Variants in HECW1 observed in about 807,000 individuals in gnomAD.
HECW1 encodes HECT, C2 and WW domain containing E3 ubiquitin protein ligase 1.
A neutral mutation model predicts 182.3 loss-of-function variants in HECW1; 61 were observed. The ratio of observed to expected loss-of-function variants is 0.33; its 90% CI spans 0.27 to 0.41. The LOEUF (loss-of-function observed/expected upper bound fraction) is 0.41. Among genes scored for constraint, HECW1 ranks in the 10% least tolerant of loss-of-function variants. The pLI, the probability that HECW1 is intolerant of heterozygous loss-of-function variation, is 1.00. For synonymous variants in HECW1, 859 were observed against 832.6 expected, an observed-to-expected ratio of 1.03 and a Z score of -0.55; for missense variants, 1,739 against 2,108.9, an observed-to-expected ratio of 0.82 and a Z score of 3.44.
chr7:43,184,114 C>A (rs751460861), intron 2 of HECW1, among the ~76,000 whole-genome samples: 1 of 152,056 alleles, frequency 6.6e-6, no homozygotes, highest in African/African-American at 2.4e-5. Flanking sequence ...CCTGAGTTCA[C>A]GCCATTCTCC....
At chr7:43,314,893 T>C (rs1808994458) in intron 4 of HECW1, among the ~76,000 whole-genome samples, 1 of 152,228 alleles carries the variant, frequency 6.6e-6, no homozygotes, top group African/African-American at 2.4e-5. Flanking sequence ...TCATCTCATC[T>C]GTCATTTCAT....
intron 1 of HECW1, 45 bp downstream of exon 1, chr7:43,112,982 C>T (rs1327773104): frequency 9.9e-6 from 2 of 202,406 alleles, no homozygotes; most frequent in Admixed American, 6.0e-5. Flanking sequence ...CCCCTTCCCC[C>T]CCGCCCTTCT....
chr7:43,361,808 A>ACTCT (rs1195454336), intron 6 of HECW1, among the ~76,000 whole-genome samples: 1 of 134,592 alleles, frequency 7.4e-6, no homozygotes, highest in African/African-American at 2.9e-5. Flanking sequence ...AATAAAAAAG[A>ACTCT]CTCTCTCTTT....
chr7:43,213,295 T>C (rs777205138), intron 2 of HECW1, among the ~76,000 whole-genome samples: 2 of 152,134 alleles, frequency 1.3e-5, no homozygotes, highest in African/African-American at 2.4e-5. Flanking sequence ...TAAAGATGAT[T>C]TCATGATAAG....
chr7:43,222,359 A>C (rs1797057770), intron 2 of HECW1, among the ~76,000 whole-genome samples: 1 of 152,198 alleles, frequency 6.6e-6, no homozygotes, highest in African/African-American at 2.4e-5. Flanking sequence ...ACATCTTTCA[A>C]AGATTATGCA....
intron 6 of HECW1, among the ~76,000 whole-genome samples, chr7:43,366,617 T>C (rs1816684216): frequency 6.6e-6 from 1 of 152,202 alleles, no homozygotes; most frequent in Admixed American, 6.5e-5. Flanking sequence ...CTCAACTTTA[T>C]AATAAATGGT....
At chr7:43,336,174 C>CTCTCTT (rs1812249482) in intron 5 of HECW1, among the ~76,000 whole-genome samples, 1 of 130,292 alleles carries the variant, frequency 7.7e-6, no homozygotes, top group African/African-American at 3.0e-5. Context: ...CTCTCTCTCT[C>CTCTCTT]TCTCTCTCTC....
chr7:43,463,286 C>T (rs1425429362), intron 13 of HECW1, among the ~76,000 whole-genome samples: 1 of 152,166 alleles, frequency 6.6e-6, no homozygotes, highest in Non-Finnish European at 1.5e-5. Flanking sequence ...ACACTTATTA[C>T]AATAATGTTG....
intron 2 of HECW1, among the ~76,000 whole-genome samples, chr7:43,158,002 T>A (rs567829992): frequency 1.4e-4 from 22 of 152,364 alleles, no homozygotes; most frequent in Non-Finnish European, 5.9e-5. Flanking sequence ...AACTCATGTA[T>A]CTTAGCTTTA....
chr7:43,448,293 T>C (rs2077126812), intron 11 of HECW1, among the ~76,000 whole-genome samples: 1 of 152,248 alleles, frequency 6.6e-6, no homozygotes, highest in Admixed American at 6.5e-5. Flanking sequence ...TTCATACTTT[T>C]TGCTTTATTT....
intron 2 of HECW1, among the ~76,000 whole-genome samples, chr7:43,164,448 G>C (rs1192019532): frequency 6.6e-6 from 1 of 152,204 alleles, no homozygotes; most frequent in Non-Finnish European, 1.5e-5. Context: ...GGGAAATCAA[G>C]AAGGCACCAG....
chr7:43,277,795 G>T (rs746146578), intron 3 of HECW1, among the ~76,000 whole-genome samples: 40 of 152,078 alleles, frequency 2.6e-4, no homozygotes, highest in Non-Finnish European at 8.8e-5. Flanking sequence ...AACCACCAAG[G>T]ATCTCCACTT....
Position 43,535,198 on chromosome 7 carries a change from C to T in HECW1, c.4020-5965C>T, listed in dbSNP as rs4570049. On this transcript the variant is annotated intron_variant, in intron 24 of 29. Transcript: ENST00000395891. ...AGAGTCAAGTCAACAAACAGCAATG[C>T]GCTGAAGGGGAGGGTTGAGTCTTTT... 9.8e-3 allele frequency among the ~76,000 whole-genome samples: 1,489 copies of T among 152,264 alleles called. 68 individuals are homozygous for T. The highest frequency in any genetic ancestry group is 0.07 in the Admixed American group (1,074 of 15,288).
rs116906991 is a variant in HECW1 at position 43,233,189 on chromosome 7, T to C, written c.-31-10686T>C. On this transcript the variant is annotated intron_variant, in intron 2 of 29. Transcript: ENST00000395891. Reference sequence around the variant, plus strand: ...TTAATGTTTTCATATATATTCAATGTAGAAACAACAGTTACTAAAAAAAAT... The same window carrying C: ...TTAATGTTTTCATATATATTCAATGCAGAAACAACAGTTACTAAAAAAAAT... Among the ~76,000 whole-genome samples the C allele has an allele frequency of 9.9e-3, 1,509 of 152,316 alleles. 22 individuals are homozygous for C. The highest frequency in any genetic ancestry group is 0.01 in the Non-Finnish European group (709 of 68,028).
intron 2 of HECW1, among the ~76,000 whole-genome samples, chr7:43,121,214 C>T (rs949896777): frequency 1.4e-4 from 22 of 152,090 alleles, no homozygotes; most frequent in African/African-American, 5.1e-4. Flanking sequence ...CAAGTAGACC[C>T]GGCAACTCAA....
chr7:43,361,049 TGTGC>T lies in HECW1; in HGVS notation c.555+77_555+80del, dbSNP rs199791749. On this transcript the variant is annotated intron_variant, in intron 6 of 29. Transcript: ENST00000395891. ...TTTCTTCACTTTCCTATTTTGTTCT[TGTGC>T]GTGCGTGTGTGTGTGTGTGTGTGTG... 88 of 821,564 alleles carry T rather than the reference TGTGC, an allele frequency of 1.1e-4. No individual in the cohort carries two copies. The Middle Eastern group carries it at 3.0e-3, about 28-fold the overall frequency. 50.9% of individuals were successfully genotyped at this position (821,564 alleles called of 1,614,324 possible).
intron 3 of HECW1, among the ~76,000 whole-genome samples, chr7:43,251,058 AC>A (rs777221315): frequency 6.6e-6 from 1 of 151,784 alleles, no homozygotes; most frequent in East Asian, 1.9e-4. Flanking sequence ...CAGGGACCCC[AC>A]CCCCCTTACT....
At chr7:43,396,173 A>G (rs901654445) in intron 6 of HECW1, among the ~76,000 whole-genome samples, 4 of 152,248 alleles carry the variant, frequency 2.6e-5, no homozygotes, top group African/African-American at 9.6e-5. Context: ...TGATTAACCT[A>G]TTACTAAATA....
intron 2 of HECW1, among the ~76,000 whole-genome samples, chr7:43,185,854 T>C (rs1793347740): frequency 6.6e-6 from 1 of 152,212 alleles, no homozygotes; most frequent in African/African-American, 2.4e-5. Flanking sequence ...ATAATTTAAT[T>C]TGTAATAATG....
Sources: allele counts gnomAD v4.1 joint callset (sites outside exome capture counted in the v4.1 genomes callset), GRCh38; gene constraint gnomAD v4.1.1; transcripts MANE v1.5; gene names NCBI Gene and HGNC (gene_info 2026-07-23, HGNC 2026-07-21).